The following TRPM5 variants were observed in gnomAD, a reference collection of about 807,000 sequenced individuals.
TRPM5 encodes the protein transient receptor potential cation channel subfamily M member 5.
TRPM5 carries 121 observed loss-of-function variants against 124.9 expected under a neutral mutation model. The ratio of observed to expected loss-of-function variants is 0.97; its 90% confidence interval spans 0.84 to 1.13. The LOEUF (loss-of-function observed/expected upper bound fraction) is 1.13. TRPM5 is among the 50% of genes most tolerant of loss of function. The pLI, the probability that TRPM5 is intolerant of heterozygous loss-of-function variation, is 0.00. For missense variants in TRPM5, 1,643 were observed against 1,589.1 expected, an observed-to-expected ratio of 1.03 and a Z score of -0.58; for synonymous variants, 781 against 700.5, an observed-to-expected ratio of 1.11 and a Z score of -1.81.
exon 18 of TRPM5, chr11:2,411,363 T>C (rs1311084105): frequency 6.2e-6 from 10 of 1,603,520 alleles, no homozygotes; most frequent in Non-Finnish European, 6.8e-6. Context: ...ATCAATCTCG[T>C]CCAGTGGGAT....
Position 2,413,240 on chromosome 11 carries a change from A to C in TRPM5, c.2004-14T>G. The C allele has an allele frequency of 6.5e-7, 1 of 1,535,486 alleles. No homozygotes were observed. Among genetic ancestry groups the C allele is most frequent in the Non-Finnish European group, 8.8e-7 (1 of 1,141,508 alleles). On this transcript the variant is annotated splice_polypyrimidine_tract_variant and intron_variant, in intron 13 of 23. Coordinates refer to ENST00000155858, the Ensembl canonical transcript of TRPM5. ...GGAGCTTCCTCACTGCGAGCACAGG[A>C]GAGCTCAGGGCCCGCAGGAAGGGCT...
At chr11:2,416,147 G>A in intron 7 of TRPM5, 123 bp from the exon 13 acceptor site, 1 of 598,814 alleles carries the variant, frequency 1.7e-6, no homozygotes, top group Non-Finnish European at 2.9e-6. Context: ...GCTGGGACTT[G>A]AGGGGGCACA....
chr11:2,431,629 C>T, the TRPM5 span, among the ~76,000 whole-genome samples: 5 of 152,114 alleles, frequency 3.3e-5, no homozygotes, highest in African/African-American at 7.2e-5. Flanking sequence ...CAATAAAACC[C>T]AAAGAAGCCT....
rs531192553 is a variant in TRPM5, at chr11:2,408,672, C to T, written c.2783-760G>A. ...CCTGCTTCTCCCTTGTAGGGCTCAACCCTGGACCCTCACCCCACCCCAGCC... is the reference window on the plus strand; with the variant it reads ...CCTGCTTCTCCCTTGTAGGGCTCAATCCTGGACCCTCACCCCACCCCAGCC... On this transcript the variant is annotated intron_variant, in intron 18 of 23. Coordinates refer to ENST00000155858, the Ensembl canonical transcript of TRPM5. 2.6e-5 allele frequency among the ~76,000 whole-genome samples: 4 copies of T among 152,344 alleles called. No individual in the cohort carries two copies. In the South Asian group the frequency reaches 8.3e-4, roughly 32 times the overall value.
chr11:2,414,850 G>C lies in TRPM5; in HGVS notation c.1621-12C>G, dbSNP rs776455808. 6.3e-6 allele frequency: 10 copies of C among 1,589,896 alleles called. No individual in the cohort carries two copies. The highest frequency in any genetic ancestry group is 8.6e-6 in the Non-Finnish European group (10 of 1,169,318). ...ACACCTTCCTGGCCCTACGAGACCT[G>C]GTCTCAGGAGGCCGCCCCTCCCCTG... On this transcript the variant is annotated splice_polypyrimidine_tract_variant and intron_variant, in intron 10 of 23. Transcript: ENST00000155858.
chr11:2,431,696 G>A, the TRPM5 span, among the ~76,000 whole-genome samples: 1 of 152,072 alleles, frequency 6.6e-6, no homozygotes, highest in Middle Eastern at 3.4e-3. Context: ...GCTCCTGCTG[G>A]CCCCCTCTTC....
intron 11 of TRPM5, among the ~76,000 whole-genome samples, 180 bp downstream of exon 16, chr11:2,414,535 C>T (rs1359222792): frequency 6.6e-6 from 1 of 152,218 alleles, no homozygotes; most frequent in Non-Finnish European, 1.5e-5. Flanking sequence ...CACTCAGGGT[C>T]TGGGGCCGCC....
At chr11:2,420,235 C>A (rs1399321660) in exon 4 of TRPM5, 1 of 1,603,926 alleles carries the variant, frequency 6.2e-7, no homozygotes, top group African/African-American at 1.3e-5. Flanking sequence ...CGTAGCCCGC[C>A]CTCTGCTCCG....
rs775334964 is a variant in TRPM5, at chr11:2,415,378, C to T, written c.1222G>A (p.Asp408Asn). 18 of 1,589,532 alleles carry T rather than the reference C, an allele frequency of 1.1e-5. No individual in the cohort carries two copies. Among genetic ancestry groups the T allele is most frequent in the African/African-American group, 9.4e-5 (7 of 74,636 alleles). ...TGCAGCCGCCCATACGTCAGGAAGTCGGCCACGTCTGCGCCGTTGTCCACA... is the reference window on the plus strand; with the variant it reads ...TGCAGCCGCCCATACGTCAGGAAGTTGGCCACGTCTGCGCCGTTGTCCACA... Residue 408 changes from aspartate to asparagine, a missense_variant, in exon 9 of 24, where the codon GAC becomes AAC. Transcript: ENST00000155858.
chr11:2,420,403 C>T, exon 4 of TRPM5: 1 of 1,605,242 alleles, frequency 6.2e-7, no homozygotes, highest in African/African-American at 1.3e-5. Context: ...CAGGAAAATC[C>T]TCCTGCGCCC....
chr11:2,444,392 G>T, the TRPM5 span, among the ~76,000 whole-genome samples: 1 of 151,826 alleles, frequency 6.6e-6, no homozygotes, highest in East Asian at 2.0e-4. Flanking sequence ...TCCTGCCCCC[G>T]CTGTGCCGTT....
At chr11:2,404,494 CAG>C (rs1472224290), downstream of TRPM5, 2 of 158,752 alleles carry the variant, frequency 1.3e-5, no homozygotes, top group South Asian at 1.9e-4. Flanking sequence ...TCTTAAGTGA[CAG>C]AAATTCTAAC....
intron 12 of TRPM5, 50 bp downstream of exon 17, chr11:2,414,011 C>CCCCCCCCCCCCCCCCCCCCCCCCCACACA: frequency 2.1e-6 from 1 of 482,248 alleles, no homozygotes; most frequent in Admixed American, 2.6e-5. Context: ...CCCAGCTCGC[C>CCCCCCCCCCCCCCCCCCCCCCCCCACACA]CGCCCACCCC....
In TRPM5 at chr11:2,411,634, C is replaced by T. The variant is rs143353076; in HGVS notation, c.2607+1G>A. On this transcript the variant is annotated splice_donor_variant, in intron 17 of 23. Coordinates refer to ENST00000155858, the Ensembl canonical transcript of TRPM5. LOFTEE classifies it high-confidence loss of function. ...CAGGGCCAGGGCCCCCGGGGGCTCA[C>T]CATGCGCTCTACCACGATGATCTTG... The T allele has an allele frequency of 1.9e-6, 3 of 1,612,540 alleles. No homozygotes were observed. Among genetic ancestry groups the T allele is most frequent in the Non-Finnish European group, 2.5e-6 (3 of 1,179,876 alleles).
In TRPM5 at chr11:2,422,400, A is replaced by AC. The variant is rs1845785811; in HGVS notation, c.118-80_118-79insG. 4 of 843,856 alleles carry AC rather than the reference A, an allele frequency of 4.7e-6. No homozygotes were observed. In the African/African-American group the frequency reaches 9.0e-5, roughly 19 times the overall value. 52.3% of individuals were successfully genotyped at this position (843,856 alleles called of 1,614,324 possible). On this transcript the variant is annotated intron_variant, in intron 1 of 23. Transcript: ENST00000155858. Reference sequence around the variant, plus strand: ...CTGGGCATTGGGGGGGGCTGGACACAAGGGGGCACTGGGGAGGTGCTGAGC... The same window carrying AC: ...CTGGGCATTGGGGGGGGCTGGACACACAGGGGGCACTGGGGAGGTGCTGAGC...
the TRPM5 span, among the ~76,000 whole-genome samples, chr11:2,434,224 C>T: frequency 1.0e-4 from 15 of 147,372 alleles, no homozygotes; most frequent in South Asian, 4.4e-4. Flanking sequence ...TCTGTGTGGA[C>T]GCTGTGAGTG....
chr11:2,422,871 G>C, intron 1 of TRPM5, 49 bp downstream of exon 6: 1 of 1,524,684 alleles, frequency 6.6e-7, no homozygotes, highest in Non-Finnish European at 9.1e-7. Context: ...GGGCCTCATG[G>C]GTTCCAGGTC....
At chr11:2,425,204 G>A (rs991820880), upstream of TRPM5, among the ~76,000 whole-genome samples, 8 of 152,156 alleles carry the variant, frequency 5.3e-5, no homozygotes, top group African/African-American at 1.9e-4. Context: ...CACACTCTCG[G>A]GGGCTCAAAA....
intron 18 of TRPM5, among the ~76,000 whole-genome samples, chr11:2,408,979 C>A (rs61873461): frequency 1.3e-5 from 2 of 152,182 alleles, no homozygotes; most frequent in African/African-American, 4.8e-5. Flanking sequence ...TATCTTAGTG[C>A]CTGCCAGCTC....
Sources: gnomAD v4.1 joint callset for allele counts (sites outside exome capture counted in the v4.1 genomes callset) on GRCh38, gnomAD v4.1.1 for gene constraint, MANE v1.5 for transcripts, NCBI Gene and HGNC (gene_info 2026-07-23, HGNC 2026-07-21) for gene names.